Variants in PAX5 observed in about 807,000 individuals in gnomAD.
PAX5 encodes paired box 5.
A neutral mutation model predicts 43.7 loss-of-function variants in PAX5; 9 were observed. The observed-to-expected ratio is 0.21, with a 90% CI of 0.12 to 0.36. The LOEUF is 0.36. Among genes scored for constraint, PAX5 ranks in the 10% least tolerant of loss-of-function variants. PAX5 has a pLI of 1.00. For synonymous variants in PAX5, 228 were observed against 214.3 expected, an observed-to-expected ratio of 1.06 and a Z score of -0.56; for missense variants, 383 against 532.7, an observed-to-expected ratio of 0.72 and a Z score of 2.77.
At chr9:36,867,957 G>C (rs1317745989) in intron 8 of PAX5, among the ~76,000 whole-genome samples, 1 of 152,190 alleles carries the variant, frequency 6.6e-6, no homozygotes, top group Non-Finnish European at 1.5e-5. Context: ...AGCCTGGTTG[G>C]GCTCCCCTTG....
At chr9:36,964,576 G>A (rs367634138) in intron 6 of PAX5, among the ~76,000 whole-genome samples, 30 of 137,030 alleles carry the variant, frequency 2.2e-4, no homozygotes, top group African/African-American at 8.1e-4. Flanking sequence ...TGGGCAACAA[G>A]AGCAAAACTC....
At chr9:36,918,327 G>A (rs772310955) in intron 7 of PAX5, among the ~76,000 whole-genome samples, 1 of 152,154 alleles carries the variant, frequency 6.6e-6, no homozygotes, top group Non-Finnish European at 1.5e-5. Context: ...TGAATGATAA[G>A]CCTTATTGCT....
intron 5 of PAX5, among the ~76,000 whole-genome samples, chr9:36,984,277 G>A (rs1225706019): frequency 6.6e-6 from 1 of 152,066 alleles, no homozygotes; most frequent in Non-Finnish European, 1.5e-5. Context: ...ACTGGGGTGA[G>A]GTGTAGGGCA....
intron 6 of PAX5, among the ~76,000 whole-genome samples, chr9:36,943,540 A>T (rs1272069289): frequency 5.3e-5 from 8 of 151,594 alleles, no homozygotes; most frequent in Non-Finnish European, 7.4e-5. Context: ...ACACACACAC[A>T]CACACACACA....
At chr9:36,973,202 A>G (rs151280748) in intron 5 of PAX5, among the ~76,000 whole-genome samples, 1 of 151,184 alleles carries the variant, frequency 6.6e-6, no homozygotes, top group East Asian at 1.9e-4. Context: ...TGTGAAAATA[A>G]CTCCCAGATC....
At position 36,882,074 on chromosome 9, in the gene PAX5, C is replaced by T. The variant is rs2131763626; in HGVS notation, c.942G>A (p.Gly314=). ...CAGCGGGGGGGACGTGTGGAGGGTA[C>T]CCGGGGAGGGTCGTGCTCGCCAAGT... ...GRDLASTTLP[G]YPPHVPPAGQ... Residue 314 remains glycine (G), a synonymous_variant, in exon 8 of 10, where the codon GGG becomes GGA. Transcript: ENST00000358127. The surrounding 1 kb of genome is among the most constrained non-coding windows in gnomAD (Gnocchi z 4.4). 6.2e-7 allele frequency: 1 copy of T among 1,606,552 alleles called. No homozygotes were observed. The highest frequency in any genetic ancestry group is 8.5e-7 in the Non-Finnish European group (1 of 1,175,316).
rs1345970821 is a variant in PAX5, at chr9:36,840,488, C to A, written c.*72G>T. 6.9e-7 allele frequency: 1 copy of A among 1,451,304 alleles called. No homozygotes were observed. Among genetic ancestry groups the A allele is most frequent in the African/African-American group, 1.4e-5 (1 of 72,004 alleles). 89.9% of individuals were successfully genotyped at this position (1,451,304 alleles called of 1,614,324 possible). A position where few individuals can be genotyped will look rare whatever the true frequency, so the allele number is the denominator to read the frequency against. On this transcript the variant is annotated 3_prime_UTR_variant, in exon 10 of 10. Coordinates refer to ENST00000358127, the MANE Select transcript of PAX5 (RefSeq NM_016734.3). ...ACGGTCTCATGGGCTCTCTGGCTATCTTCAGGAGGGCTGGGTGGCTGTCAC... is the reference window on the plus strand; with the variant it reads ...ACGGTCTCATGGGCTCTCTGGCTATATTCAGGAGGGCTGGGTGGCTGTCAC...
chr9:36,960,273 G>T (rs540233156), intron 6 of PAX5, among the ~76,000 whole-genome samples: 1 of 152,184 alleles, frequency 6.6e-6, no homozygotes, highest in Non-Finnish European at 1.5e-5. Flanking sequence ...TACCTGTCAC[G>T]AAACACGCTC....
intron 6 of PAX5, among the ~76,000 whole-genome samples, chr9:36,955,798 T>C (rs1039677653): frequency 1.4e-5 from 2 of 140,492 alleles, no homozygotes; most frequent in East Asian, 3.9e-4. Context: ...TATATATATA[T>C]ATATACCCAC....
At chr9:37,002,547 A>AG in intron 5 of PAX5, 101 bp downstream of exon 5, 2 of 1,281,386 alleles carry the variant, frequency 1.6e-6, no homozygotes, top group Non-Finnish European at 1.1e-6. Context: ...TCTGCAGGTA[A>AG]GGGGGGTGTT....
chr9:37,002,852 T>C, intron 4 of PAX5, 76 bp from the exon 5 acceptor site: 2 of 1,397,116 alleles, frequency 1.4e-6, no homozygotes, highest in Non-Finnish European at 1.9e-6. Flanking sequence ...CACGTGAGGC[T>C]GGGGGCGGCT....
At chr9:36,962,067 C>T (rs7858508) in intron 6 of PAX5, among the ~76,000 whole-genome samples, 20,226 of 152,158 alleles carry the variant, frequency 0.13, 1,494 homozygotes, top group African/African-American at 0.18. Flanking sequence ...TAGATCTTGG[C>T]GGGAAAAGCT....
chr9:36,896,939 G>C (rs576771962), intron 7 of PAX5, among the ~76,000 whole-genome samples: 2 of 152,330 alleles, frequency 1.3e-5, no homozygotes, highest in East Asian at 3.9e-4. Context: ...TCCTGCGCAA[G>C]CTCTCACATG....
In PAX5 at chr9:36,839,900, G is replaced by C; in HGVS notation, c.*660C>G. ...CAAAGTGTGCTCCTCTTGGAGAGGG[G>C]CCTCAGGGGGAGCCTGCAGCACAAC... On this transcript the variant is annotated 3_prime_UTR_variant, in exon 10 of 10. Coordinates refer to ENST00000358127, the MANE Select transcript of PAX5 (RefSeq NM_016734.3). 4.3e-6 allele frequency: 1 copy of C among 234,730 alleles called. No individual in the cohort carries two copies. Among genetic ancestry groups the C allele is most frequent in the Non-Finnish European group, 8.4e-6 (1 of 118,972 alleles). The allele number at this position is 234,730 out of a possible 1,614,324, so 14.5% of individuals were successfully genotyped here.
At chr9:36,998,569 C>T (rs943874231) in intron 5 of PAX5, among the ~76,000 whole-genome samples, 6 of 152,232 alleles carry the variant, frequency 3.9e-5, no homozygotes, top group African/African-American at 7.2e-5. Flanking sequence ...TTGTCCAATA[C>T]AGCAGCCGCT....
chr9:36,858,693 C>T lies in PAX5; in HGVS notation c.1013-11764G>A, dbSNP rs192607733. On this transcript the variant is annotated intron_variant, in intron 8 of 9. Transcript: ENST00000358127. ...GCCTCCAAAAATGGCCCAGCCCCCT[C>T]CAGCTTGGAGACCCTCAAACCTCCT... Among the ~76,000 whole-genome samples the T allele has an allele frequency of 4.9e-3, 752 of 152,308 alleles. 5 individuals carry two copies. Among genetic ancestry groups the T allele is most frequent in the Non-Finnish European group, 8.2e-3 (555 of 68,028 alleles).
chr9:36,898,401 G>A (rs969958934), intron 7 of PAX5, among the ~76,000 whole-genome samples: 7 of 152,090 alleles, frequency 4.6e-5, no homozygotes, highest in Admixed American at 1.3e-4. Flanking sequence ...CCTGGAGAAG[G>A]AGGCACGTGG....
intron 8 of PAX5, among the ~76,000 whole-genome samples, chr9:36,862,157 G>A (rs747583979): frequency 3.7e-4 from 56 of 151,548 alleles, no homozygotes; most frequent in Non-Finnish European, 5.1e-4. Context: ...TCTACCTCTC[G>A]CTAAGCCTGT....
intron 1 of PAX5, among the ~76,000 whole-genome samples, chr9:37,021,486 T>C (rs1255427683): frequency 1.3e-5 from 2 of 152,214 alleles, no homozygotes; most frequent in African/African-American, 4.8e-5. Flanking sequence ...ACACAGCACA[T>C]TCCACTCCAC....
Sources: gnomAD v4.1 joint callset for allele counts (sites outside exome capture counted in the v4.1 genomes callset) on GRCh38, gnomAD v4.1.1 for gene constraint, Gnocchi (gnomAD v3.1) non-coding constraint, MANE v1.5 for transcripts, NCBI Gene and HGNC (gene_info 2026-07-23, HGNC 2026-07-21) for gene names.